CACNG3: variants seen among roughly 807,000 people sequenced by gnomAD.
The protein encoded by CACNG3 is voltage-dependent calcium channel gamma-3 subunit.
In CACNG3, 3 loss-of-function variants were observed where a neutral mutation model predicts 28.5. The observed-to-expected ratio is 0.11, with a 90% CI of 0.05 to 0.27. CACNG3 has a LOEUF of 0.27. Ranked by LOEUF, CACNG3 falls within the 10% of genes least tolerant of loss-of-function variation. The probability of loss-of-function intolerance (pLI) is 1.00; values close to 1 mark genes in which losing one functional copy is unlikely to be tolerated. For synonymous variants in CACNG3, 174 were observed against 162.2 expected (o/e 1.07, Z -0.55); for missense variants, 236 against 414.4 (o/e 0.57, Z 3.74).
intron 1 of CACNG3, among the ~76,000 whole-genome samples, chr16:24,292,547 T>C (rs574690648): frequency 6.6e-6 from 1 of 152,230 alleles, no homozygotes; most frequent in Admixed American, 6.5e-5. Context: ...TTCCTTCCAG[T>C]CCTGCCTTCC....
rs138851063 is a variant in CACNG3, at chr16:24,263,282, A to C, written c.211+6317A>C. Reference sequence around the variant, plus strand: ...TTTCAAAACCTTTTCACTGAAAAAAAAATAGAACATCCTCCTTTGAACTAG... The same window carrying C: ...TTTCAAAACCTTTTCACTGAAAAAACAATAGAACATCCTCCTTTGAACTAG... On this transcript the variant is annotated intron_variant, in intron 1 of 3. Transcript: ENST00000005284. 2.6e-5 allele frequency among the ~76,000 whole-genome samples: 4 copies of C among 152,344 alleles called. No homozygotes were observed. In the East Asian group the frequency reaches 7.7e-4, roughly 29 times the overall value.
At chr16:24,319,659 G>T (rs909701901) in intron 1 of CACNG3, among the ~76,000 whole-genome samples, 4 of 151,744 alleles carry the variant, frequency 2.6e-5, no homozygotes, top group Non-Finnish European at 5.9e-5. Flanking sequence ...TTGCTGTGTT[G>T]CCCAGGCTGG....
At chr16:24,306,173 C>T (rs532367309) in intron 1 of CACNG3, among the ~76,000 whole-genome samples, 6 of 152,316 alleles carry the variant, frequency 3.9e-5, no homozygotes, top group African/African-American at 9.6e-5. Context: ...GGACTTGTCA[C>T]ACCAGTGGGC....
chr16:24,359,186 A>G (rs918418298), intron 3 of CACNG3, among the ~76,000 whole-genome samples: 4 of 152,214 alleles, frequency 2.6e-5, no homozygotes, highest in Admixed American at 6.5e-5. Context: ...GGGGGCATCA[A>G]TAGAAGCCAC....
intron 1 of CACNG3, among the ~76,000 whole-genome samples, chr16:24,290,039 G>C (rs1399831396): frequency 6.6e-6 from 1 of 152,238 alleles, no homozygotes; most frequent in East Asian, 1.9e-4. Flanking sequence ...ATAAGGTTAA[G>C]ACAAAGACCA....
intron 1 of CACNG3, among the ~76,000 whole-genome samples, chr16:24,330,456 T>G (rs1899616689): frequency 6.6e-6 from 1 of 152,222 alleles, no homozygotes; most frequent in Admixed American, 6.5e-5. Flanking sequence ...ATGACAATAC[T>G]GTGTGTCCAT....
chr16:24,276,842 T>C (rs1443626738), intron 1 of CACNG3, among the ~76,000 whole-genome samples: 5 of 152,250 alleles, frequency 3.3e-5, no homozygotes, highest in African/African-American at 1.2e-4. Flanking sequence ...GGTGATATTC[T>C]TCATATGTGA....
intron 1 of CACNG3, among the ~76,000 whole-genome samples, chr16:24,262,839 T>A (rs548832052): frequency 1.3e-5 from 2 of 152,238 alleles, no homozygotes; most frequent in Non-Finnish European, 2.9e-5. Flanking sequence ...TGAAATTTTA[T>A]CTTCTGGATT....
At chr16:24,283,328 T>A (rs1369869093) in intron 1 of CACNG3, among the ~76,000 whole-genome samples, 1 of 152,226 alleles carries the variant, frequency 6.6e-6, no homozygotes, top group East Asian at 1.9e-4. Context: ...ACTTCGCATT[T>A]AACAACATAA....
At chr16:24,359,654 G>T (rs995757968) in intron 3 of CACNG3, among the ~76,000 whole-genome samples, 3 of 151,840 alleles carry the variant, frequency 2.0e-5, no homozygotes, top group Admixed American at 6.6e-5. Context: ...TTGAGGCCAG[G>T]AGTTCAAAAC....
chr16:24,265,906 T>C (rs1357623082), intron 1 of CACNG3, among the ~76,000 whole-genome samples: 2 of 152,238 alleles, frequency 1.3e-5, no homozygotes, highest in African/African-American at 2.4e-5. Context: ...TGCCAAACCC[T>C]GCTATATCTC....
At chr16:24,309,874 G>A (rs1303720724) in intron 1 of CACNG3, among the ~76,000 whole-genome samples, 1 of 152,172 alleles carries the variant, frequency 6.6e-6, no homozygotes, top group African/African-American at 2.4e-5. Context: ...CGGGATGAGG[G>A]CTGGACAGTG....
chr16:24,282,566 T>A (rs778305841), intron 1 of CACNG3, among the ~76,000 whole-genome samples: 4 of 152,170 alleles, frequency 2.6e-5, no homozygotes, highest in Non-Finnish European at 4.4e-5. Flanking sequence ...TGAGCCACCG[T>A]GCCCAGCCTC....
intron 1 of CACNG3, among the ~76,000 whole-genome samples, chr16:24,268,835 C>A (rs1769156202): frequency 6.6e-6 from 1 of 152,130 alleles, no homozygotes; most frequent in South Asian, 2.1e-4. Flanking sequence ...TAAACTTGAG[C>A]ATGTTATTTA....
At chr16:24,287,514 C>CAA (rs748719520) in intron 1 of CACNG3, among the ~76,000 whole-genome samples, 32 of 31,094 alleles carry the variant, frequency 1.0e-3, no homozygotes, top group African/African-American at 2.3e-3. Context: ...CGAGACTCTC[C>CAA]AAAAAAAAAA....
chr16:24,262,638 T>C (rs1898550929), intron 1 of CACNG3, among the ~76,000 whole-genome samples: 1 of 152,182 alleles, frequency 6.6e-6, no homozygotes, highest in Admixed American at 6.5e-5. Flanking sequence ...AAACCATTCA[T>C]TCTGATTGTC....
chr16:24,306,384 A>C (rs922384386), intron 1 of CACNG3, among the ~76,000 whole-genome samples: 1 of 152,258 alleles, frequency 6.6e-6, no homozygotes, highest in African/African-American at 2.4e-5. Context: ...CTGCTAAGCT[A>C]GAGTTTCCTG....
intron 2 of CACNG3, among the ~76,000 whole-genome samples, chr16:24,353,492 C>T (rs1899986510): frequency 6.6e-6 from 1 of 152,164 alleles, no homozygotes; most frequent in African/African-American, 2.4e-5. Context: ...CCACATGGGG[C>T]CCCTCTCCCA....
At position 24,361,777 on chromosome 16, in the gene CACNG3, T is replaced by G. The variant is rs1900105356; in HGVS notation, c.862T>G (p.Phe288Val). 6.2e-7 allele frequency: 1 copy of G among 1,613,928 alleles called. No individual in the cohort carries two copies. Among genetic ancestry groups the G allele is most frequent in the African/African-American group, 1.3e-5 (1 of 74,872 alleles). The change falls in exon 4 of 4, where the codon TTT (phenylalanine) becomes GTT (valine). Residue 288 changes from phenylalanine (F) to valine (V), a missense_variant. By Grantham distance (50) the Phe-to-Val change is conservative. Transcript: ENST00000005284. The surrounding 1 kb of genome is among the most constrained non-coding windows in gnomAD (Gnocchi z 6.8). The stretch of plus-strand genomic sequence containing the variant: ...CCTCAACTCCGACCGGGACCACGCT[T>G]TTCTACAGTTCCACAATTCCACACC... ...TLLNSDRDHA[F>V]LQFHNSTPKE...
Sources: gnomAD v4.1 joint callset for allele counts (sites outside exome capture counted in the v4.1 genomes callset) on GRCh38, gnomAD v4.1.1 for gene constraint, Gnocchi (gnomAD v3.1) non-coding constraint, MANE v1.5 for transcripts, NCBI Gene and HGNC (gene_info 2026-07-23, HGNC 2026-07-21) for gene names.